The following MBNL1 variants were observed in gnomAD, a reference collection of about 807,000 sequenced individuals.
MBNL1 encodes muscleblind like splicing regulator 1, also known as muscleblind-like protein 1.
Under a neutral mutation model 42.2 loss-of-function variants are expected in MBNL1, and 8 were observed. That is an observed-to-expected ratio of 0.19 (90% CI 0.11 to 0.34). The LOEUF is 0.34. Among genes scored for constraint, MBNL1 ranks in the 10% least tolerant of loss-of-function variants. MBNL1 has a pLI of 1.00. For synonymous variants in MBNL1, 169 were observed against 173.9 expected, an observed-to-expected ratio of 0.97 and a Z score of 0.22; for missense variants, 309 against 495.3, an observed-to-expected ratio of 0.62 and a Z score of 3.57.
chr3:152,329,014 A>C (rs1451255310), intron 2 of MBNL1, among the ~76,000 whole-genome samples: 1 of 152,192 alleles, frequency 6.6e-6, no homozygotes, highest in Non-Finnish European at 1.5e-5. Context: ...ATGCAACATG[A>C]AAAGAATACT....
chr3:152,332,938 G>A (rs935548103), intron 2 of MBNL1, among the ~76,000 whole-genome samples: 5 of 151,996 alleles, frequency 3.3e-5, no homozygotes, highest in African/African-American at 1.2e-4. Context: ...AACCCAGATG[G>A]CCCACTTTGG....
chr3:152,273,206 A>G (rs902056411), intron 1 of MBNL1, among the ~76,000 whole-genome samples: 9 of 152,216 alleles, frequency 5.9e-5, no homozygotes, highest in Non-Finnish European at 1.3e-4. Flanking sequence ...TATTGATTGC[A>G]AGGCAGAGGA....
Position 152,413,807 on chromosome 3 carries a change from G to T in MBNL1, c.175-1134G>T, listed in dbSNP as rs146892339. 3.7e-3 allele frequency among the ~76,000 whole-genome samples: 563 copies of T among 152,236 alleles called. 4 individuals are homozygous for T. The highest frequency in any genetic ancestry group is 0.013 in the African/African-American group (539 of 41,540). On this transcript the variant is annotated intron_variant, in intron 2 of 9. Coordinates refer to ENST00000324210, the MANE Select transcript of MBNL1 (RefSeq NM_021038.5). ...GTTGTCAAGGTGGTTGATGAGATCT[G>T]CTACTATTGATATGATTTGAAAATA...
chr3:152,264,719 C>G (rs1448653846), upstream of MBNL1: 4 of 152,124 alleles, frequency 2.6e-5, no homozygotes, highest in African/African-American at 9.7e-5. Flanking sequence ...CTTACTGTCT[C>G]TCTATTGCCA....
intron 2 of MBNL1, among the ~76,000 whole-genome samples, chr3:152,344,900 A>G (rs2093976846): frequency 6.6e-6 from 1 of 152,136 alleles, no homozygotes; most frequent in Non-Finnish European, 1.5e-5. Context: ...GCACACAAAG[A>G]CACACAGACA....
chr3:152,284,860 A>G (rs2050622168), intron 1 of MBNL1, among the ~76,000 whole-genome samples: 1 of 152,168 alleles, frequency 6.6e-6, no homozygotes, highest in Non-Finnish European at 1.5e-5. Flanking sequence ...CTGATGAATA[A>G]ATTTAAAAAA....
chr3:152,387,779 GAAAT>G (rs1198448728), intron 2 of MBNL1, among the ~76,000 whole-genome samples: 1 of 151,946 alleles, frequency 6.6e-6, no homozygotes, highest in Non-Finnish European at 1.5e-5. Context: ...ATATTTAAAA[GAAAT>G]AAATTGTGTG....
chr3:152,376,273 T>A (rs2096895714), intron 2 of MBNL1, among the ~76,000 whole-genome samples: 1 of 152,226 alleles, frequency 6.6e-6, no homozygotes, highest in Non-Finnish European at 1.5e-5. Flanking sequence ...AGACTATATT[T>A]TGTTAACTTT....
At chr3:152,421,706 TA>T (rs2098807838) in intron 3 of MBNL1, among the ~76,000 whole-genome samples, 1 of 152,092 alleles carries the variant, frequency 6.6e-6, no homozygotes, top group Non-Finnish European at 1.5e-5. Context: ...AAGGTCAGGT[TA>T]CCCACAAAGG....
chr3:152,410,720 TAA>T (rs1237143574), intron 2 of MBNL1, among the ~76,000 whole-genome samples: 7 of 152,238 alleles, frequency 4.6e-5, no homozygotes, highest in African/African-American at 1.7e-4. Context: ...TCTCCAAAAG[TAA>T]GATTTCAGTG....
chr3:152,297,750 G>A (rs550864903), intron 1 of MBNL1, among the ~76,000 whole-genome samples: 20 of 152,072 alleles, frequency 1.3e-4, no homozygotes, highest in Admixed American at 6.5e-4. Context: ...TCCGCCTCCC[G>A]GGTTCAAGTG....
chr3:152,441,992 C>T (rs1331242484), intron 4 of MBNL1, among the ~76,000 whole-genome samples: 2 of 152,078 alleles, frequency 1.3e-5, no homozygotes, highest in African/African-American at 4.8e-5. Context: ...GAGGTTTCAC[C>T]ATGTTGGCCA....
intron 2 of MBNL1, among the ~76,000 whole-genome samples, chr3:152,258,471 A>C (rs1483076867): frequency 6.6e-6 from 1 of 152,188 alleles, no homozygotes; most frequent in Non-Finnish European, 1.5e-5. Context: ...ATTCTTCTAA[A>C]AAGTGTGTGG....
chr3:152,440,325 T>G lies in MBNL1; in HGVS notation c.550-4957T>G, dbSNP rs1404723108. 2.0e-5 allele frequency among the ~76,000 whole-genome samples: 3 copies of G among 152,178 alleles called. No individual in the cohort carries two copies. The East Asian group carries it at 5.8e-4, about 29-fold the overall frequency. ...CTGCTGATAAAGACATACCCAAGAC[T>G]GGGCAATTTACGAAAAGAAAGAGGT... On this transcript the variant is annotated intron_variant, in intron 4 of 9. Coordinates refer to ENST00000324210, the MANE Select transcript of MBNL1 (RefSeq NM_021038.5).
At chr3:152,407,127 A>G (rs1346524143) in intron 2 of MBNL1, among the ~76,000 whole-genome samples, 1 of 143,160 alleles carries the variant, frequency 7.0e-6, no homozygotes, top group East Asian at 2.1e-4. Context: ...TTTGTTTTAT[A>G]TTGTGTTTCA....
intron 2 of MBNL1, among the ~76,000 whole-genome samples, chr3:152,363,169 A>G (rs1300056950): frequency 6.6e-6 from 1 of 152,154 alleles, no homozygotes; most frequent in African/African-American, 2.4e-5. Context: ...GGAATTATGC[A>G]TTTGTTTTAT....
Position 152,309,757 on chromosome 3 carries a change from C to T in MBNL1, c.174+9390C>T, listed in dbSNP as rs534727328. On this transcript the variant is annotated intron_variant, in intron 2 of 9. Coordinates refer to ENST00000324210, the MANE Select transcript of MBNL1 (RefSeq NM_021038.5). ...ATTACTGCATTCAGACGATAATTTG[C>T]TTTCAGATATCTTTGCTCATCTAAT... Among the ~76,000 whole-genome samples, 222 of 152,200 alleles carry T rather than the reference C, an allele frequency of 1.5e-3. 6 individuals carry two copies. The South Asian group carries it at 0.045, about 31-fold the overall frequency.
intron 2 of MBNL1, among the ~76,000 whole-genome samples, chr3:152,404,750 G>A (rs967282555): frequency 8.7e-5 from 13 of 148,838 alleles, no homozygotes; most frequent in Admixed American, 5.4e-4. Context: ...TTATATAATA[G>A]TTTTTAAATT....
At chr3:152,276,016 G>C (rs983760408) in intron 1 of MBNL1, among the ~76,000 whole-genome samples, 2 of 152,180 alleles carry the variant, frequency 1.3e-5, no homozygotes, top group African/African-American at 4.8e-5. Flanking sequence ...GCCACTGGCT[G>C]TATTCTTTTA....
Sources: allele counts gnomAD v4.1 joint callset (sites outside exome capture counted in the v4.1 genomes callset), GRCh38; gene constraint gnomAD v4.1.1; transcripts MANE v1.5; gene names NCBI Gene and HGNC (gene_info 2026-07-23, HGNC 2026-07-21).